ARRB1: variants seen among roughly 807,000 people sequenced by gnomAD.
The protein encoded by ARRB1 is arrestin beta 1.
ARRB1 carries 21 observed loss-of-function variants against 56.8 expected under a neutral mutation model. That is an observed-to-expected ratio of 0.37 (90% CI 0.26 to 0.53). The LOEUF (loss-of-function observed/expected upper bound fraction) is 0.53. Among genes scored for constraint, ARRB1 ranks in the 20% least tolerant of loss-of-function variants. The probability of loss-of-function intolerance (pLI) is 0.88; values close to 1 mark genes in which losing one functional copy is unlikely to be tolerated. For missense variants in ARRB1, 424 were observed against 553.7 expected (o/e 0.77, Z 2.35); for synonymous variants, 210 against 218.6 (o/e 0.96, Z 0.35).
At chr11:75,320,510 G>C (rs1349043230) in intron 1 of ARRB1, among the ~76,000 whole-genome samples, 1 of 152,168 alleles carries the variant, frequency 6.6e-6, no homozygotes, top group African/African-American at 2.4e-5. Context: ...CTGAAAGCTT[G>C]GGGGGCTGGA....
At chr11:75,344,933 C>T (rs1403257384) in intron 1 of ARRB1, among the ~76,000 whole-genome samples, 1 of 152,196 alleles carries the variant, frequency 6.6e-6, no homozygotes, top group Non-Finnish European at 1.5e-5. Flanking sequence ...CAGGCCCATA[C>T]ACGGGCTGTT....
chr11:75,307,042 G>A (rs1425057872), intron 1 of ARRB1, among the ~76,000 whole-genome samples: 2 of 152,146 alleles, frequency 1.3e-5, no homozygotes, highest in Non-Finnish European at 2.9e-5. Context: ...GTCCATCAGA[G>A]GATCCCATAC....
At chr11:75,286,994 A>C (rs781772215) in intron 3 of ARRB1, among the ~76,000 whole-genome samples, 2 of 152,040 alleles carry the variant, frequency 1.3e-5, no homozygotes, top group African/African-American at 4.8e-5. Flanking sequence ...GAAAGCAGGG[A>C]TAGTCATCAT....
chr11:75,295,912 C>T (rs981025324), intron 1 of ARRB1, among the ~76,000 whole-genome samples: 1 of 152,174 alleles, frequency 6.6e-6, no homozygotes, highest in Non-Finnish European at 1.5e-5. Flanking sequence ...TGGCTGGGCA[C>T]AGTGGCTCAT....
intron 1 of ARRB1, among the ~76,000 whole-genome samples, chr11:75,339,598 G>C (rs1047567648): frequency 6.6e-6 from 1 of 152,192 alleles, no homozygotes; most frequent in Admixed American, 6.5e-5. Flanking sequence ...CAACCAGGTC[G>C]TGAGTCCCTA....
At chr11:75,275,123 A>ATTTAT (rs71036039) in intron 10 of ARRB1, among the ~76,000 whole-genome samples, 12,947 of 137,882 alleles carry the variant, frequency 0.094, 722 homozygotes, top group African/African-American at 0.12. Context: ...TTTAATTTAA[A>ATTTAT]TTTATTTTAT....
In ARRB1 at chr11:75,277,374, G is replaced by T; in HGVS notation, c.693C>A (p.Ile231=). The change falls in exon 9 of 16, where the codon ATC becomes ATA. Residue 231 remains isoleucine, a synonymous_variant. Coordinates refer to ENST00000420843, the MANE Select transcript of ARRB1 (RefSeq NM_004041.5). ...CTCTGTCTGGGATACCTGAGATCTT[G>T]ATCTTCTTCACCGTCTTGTTGGTGT... ...TNNTNKTVKK[I]KISVRQYADI... 6.2e-7 allele frequency: 1 copy of T among 1,614,108 alleles called. No homozygotes were observed. Among genetic ancestry groups the T allele is most frequent in the African/African-American group, 1.3e-5 (1 of 75,052 alleles).
chr11:75,294,429 C>A (rs1163737196), intron 1 of ARRB1, among the ~76,000 whole-genome samples: 2 of 151,958 alleles, frequency 1.3e-5, no homozygotes, highest in Non-Finnish European at 1.5e-5. Flanking sequence ...TGGTGGCATG[C>A]ACCTGTAATC....
chr11:75,300,859 G>T (rs1270701309), intron 1 of ARRB1, among the ~76,000 whole-genome samples: 1 of 150,140 alleles, frequency 6.7e-6, no homozygotes, highest in South Asian at 2.1e-4. Context: ...TCCCAGCTGC[G>T]CGGGAGGCTG....
intron 1 of ARRB1, among the ~76,000 whole-genome samples, chr11:75,327,337 A>G (rs749704508): frequency 6.6e-6 from 1 of 151,302 alleles, no homozygotes; most frequent in African/African-American, 2.4e-5. Flanking sequence ...TAATTGTATA[A>G]AATGTATTTT....
At chr11:75,291,986 T>C (rs555225103) in intron 1 of ARRB1, among the ~76,000 whole-genome samples, 1 of 152,248 alleles carries the variant, frequency 6.6e-6, no homozygotes, top group Non-Finnish European at 1.5e-5. Flanking sequence ...CTGCGCTGCA[T>C]TGATGGCCCT....
intron 1 of ARRB1, among the ~76,000 whole-genome samples, chr11:75,349,416 A>G (rs1039905850): frequency 1.3e-5 from 2 of 152,250 alleles, no homozygotes; most frequent in African/African-American, 4.8e-5. Flanking sequence ...GAGGCAGGGC[A>G]GGGGGAGCCA....
At chr11:75,321,586 A>T (rs1013437963) in intron 1 of ARRB1, among the ~76,000 whole-genome samples, 30 of 152,090 alleles carry the variant, frequency 2.0e-4, no homozygotes, top group African/African-American at 7.2e-4. Context: ...TCTTTCATTC[A>T]CTTTTTTATC....
intron 1 of ARRB1, among the ~76,000 whole-genome samples, chr11:75,323,591 G>A (rs1220131802): frequency 6.6e-6 from 1 of 152,158 alleles, no homozygotes; most frequent in African/African-American, 2.4e-5. Context: ...CTGCACTCCA[G>A]CCTGGGCAAC....
chr11:75,293,612 G>T (rs1402181335), intron 1 of ARRB1, among the ~76,000 whole-genome samples: 1 of 152,156 alleles, frequency 6.6e-6, no homozygotes, highest in Non-Finnish European at 1.5e-5. Context: ...CCCACAGCCT[G>T]ATTCACAGAG....
At chr11:75,295,064 AAT>A (rs1425844932) in intron 1 of ARRB1, among the ~76,000 whole-genome samples, 1 of 151,918 alleles carries the variant, frequency 6.6e-6, no homozygotes, top group Non-Finnish European at 1.5e-5. Flanking sequence ...TCTCTACAAA[AAT>A]ACAAAAATTA....
At chr11:75,268,103 G>A (rs1405776938) in intron 14 of ARRB1, among the ~76,000 whole-genome samples, 2 of 152,150 alleles carry the variant, frequency 1.3e-5, no homozygotes, top group Non-Finnish European at 1.5e-5. Flanking sequence ...CGATGGCACT[G>A]CACAGTTTAA....
rs183217492 is a variant in ARRB1 at position 75,297,719 on chromosome 11, G to C, written c.21-7680C>G. On this transcript the variant is annotated intron_variant, in intron 1 of 15. Transcript: ENST00000420843. ...GCCTCTACTAAAAATACAAACATTA[G>C]CCAGGTGTGGTGGCAGGCACCTGTA... Among the ~76,000 whole-genome samples, 684 of 151,816 alleles carry C rather than the reference G, an allele frequency of 4.5e-3. 4 individuals carry two copies. The highest frequency in any genetic ancestry group is 0.016 in the African/African-American group (645 of 41,376).
chr11:75,268,360 C>T (rs1196774995), intron 14 of ARRB1, among the ~76,000 whole-genome samples: 2 of 151,866 alleles, frequency 1.3e-5, no homozygotes, highest in Admixed American at 6.6e-5. Context: ...CAAAAATCAG[C>T]CAGGTGTGGC....
Sources: allele counts gnomAD v4.1 joint callset (sites outside exome capture counted in the v4.1 genomes callset), GRCh38; gene constraint gnomAD v4.1.1; transcripts MANE v1.5; gene names NCBI Gene and HGNC (gene_info 2026-07-23, HGNC 2026-07-21).